TMEM144: variants seen among roughly 807,000 people sequenced by gnomAD.
TMEM144 encodes the protein transmembrane protein 144.
TMEM144 carries 39 observed loss-of-function variants against 43.6 expected under a neutral mutation model. That is an observed-to-expected ratio of 0.90 (90% CI 0.69 to 1.17). The LOEUF is 1.17. Among genes scored for constraint, TMEM144 ranks in the 50% most tolerant of loss-of-function variants. The pLI, the probability that TMEM144 is intolerant of heterozygous loss-of-function variation, is 0.00. For synonymous variants in TMEM144, 154 were observed against 133.6 expected (o/e 1.15, Z -1.06); for missense variants, 417 against 411.9 (o/e 1.01, Z -0.11).
intron 11 of TMEM144, among the ~76,000 whole-genome samples, chr4:158,242,685 G>T (rs542597631): frequency 3.0e-4 from 45 of 152,104 alleles, no homozygotes; most frequent in African/African-American, 1.1e-3. Context: ...AAGAAAGAAA[G>T]AAAGAAAAAA....
chr4:158,239,033 A>C (rs1453799327), intron 9 of TMEM144, among the ~76,000 whole-genome samples: 1 of 152,240 alleles, frequency 6.6e-6, no homozygotes, highest in Non-Finnish European at 1.5e-5. Flanking sequence ...ATAGCAACTA[A>C]TACCCTTTCT....
chr4:158,235,717 C>A, intron 8 of TMEM144: 1 of 427,992 alleles, frequency 2.3e-6, no homozygotes. Context: ...ATTACTAAAT[C>A]ATTGCATTTA....
At chr4:158,225,845 G>A (rs1734736574) in intron 6 of TMEM144, among the ~76,000 whole-genome samples, 1 of 152,250 alleles carries the variant, frequency 6.6e-6, no homozygotes, top group African/African-American at 2.4e-5. Context: ...ATTTAGTGTT[G>A]GGAGATGGAA....
At chr4:158,234,303 G>A (rs1194364936) in intron 7 of TMEM144, 1 of 152,018 alleles carries the variant, frequency 6.6e-6, no homozygotes, top group Non-Finnish European at 1.5e-5. Context: ...GGTCAAGGTG[G>A]GCAGATCACC....
At chr4:158,225,765 T>C (rs1394390033) in intron 6 of TMEM144, among the ~76,000 whole-genome samples, 1 of 152,260 alleles carries the variant, frequency 6.6e-6, no homozygotes, top group Non-Finnish European at 1.5e-5. Context: ...TGAAAATTCT[T>C]AAACTCATCA....
At chr4:158,235,273 A>G (rs1205780606) in intron 7 of TMEM144, 165 bp from the exon 8 acceptor site, 1 of 612,530 alleles carries the variant, frequency 1.6e-6, no homozygotes, top group Non-Finnish European at 2.6e-6. Context: ...AAGAGGAAAC[A>G]ATTAGAAACA....
At position 158,215,069 on chromosome 4, in the gene TMEM144, T is replaced by C. The variant is rs977182973; in HGVS notation, c.110-122T>C. On this transcript the variant is annotated intron_variant, in intron 3 of 12. Transcript: ENST00000296529. ...AGTCATAAGAATGAAATGTGCAAAG[T>C]CCATGGCATATGGCATTTAATAAAT... The C allele has an allele frequency of 3.7e-5, 45 of 1,221,808 alleles. No individual in the cohort carries two copies. The Admixed American group carries it at 8.0e-4, about 22-fold the overall frequency. 75.7% of individuals were successfully genotyped at this position (1,221,808 alleles called of 1,614,324 possible). A position where few individuals can be genotyped will look rare whatever the true frequency, so the allele number is the denominator to read the frequency against.
rs2111107932 is a variant in TMEM144 at position 158,219,387 on chromosome 4, T to A, written c.410T>A (p.Val137Glu). The A allele has an allele frequency of 6.2e-7, 1 of 1,613,474 alleles. No individual in the cohort carries two copies. Among genetic ancestry groups the A allele is most frequent in the East Asian group, 2.2e-5 (1 of 44,872 alleles). Reference protein sequence around the residue: ...LNYIGAGLSVVSAFIFLFIKS... With the variant: ...LNYIGAGLSVESAFIFLFIKS... ...TACATTGGAGCTGGGCTATCAGTAGTAAGGTACACAGTCATTTCTAGTGAT... is the reference window on the plus strand; with the variant it reads ...TACATTGGAGCTGGGCTATCAGTAGAAAGGTACACAGTCATTTCTAGTGAT... Residue 137 changes from valine (V) to glutamate (E), a missense_variant, in exon 6 of 13, where the codon GTA becomes GAA. Coordinates refer to ENST00000296529, the MANE Select transcript of TMEM144 (RefSeq NM_018342.5).
intron 12 of TMEM144, 36 bp from the exon 13 acceptor site, chr4:158,253,408 C>G: frequency 6.6e-7 from 1 of 1,521,428 alleles, no homozygotes; most frequent in Non-Finnish European, 9.1e-7. Flanking sequence ...TTGATTCAGG[C>G]CTTATTCATC....
intron 12 of TMEM144, among the ~76,000 whole-genome samples, chr4:158,247,828 G>A (rs1182969880): frequency 6.6e-6 from 1 of 150,746 alleles, no homozygotes; most frequent in Non-Finnish European, 1.5e-5. Context: ...CTCTAATTAC[G>A]TTCAGTATAA....
intron 6 of TMEM144, among the ~76,000 whole-genome samples, chr4:158,227,178 TAGTA>T (rs1214311180): frequency 6.6e-6 from 1 of 152,068 alleles, no homozygotes; most frequent in Non-Finnish European, 1.5e-5. Context: ...ATTTTTGAGT[TAGTA>T]AGCTGCTTTT....
chr4:158,235,458 C>A lies in TMEM144; in HGVS notation c.516C>A (p.Asp172Glu), dbSNP rs745858783. The A allele has an allele frequency of 3.1e-6, 5 of 1,613,868 alleles. No individual in the cohort carries two copies. The highest frequency in any genetic ancestry group is 2.2e-5 in the South Asian group (2 of 91,058). The change falls in exon 8 of 13, where the codon GAC (aspartate) becomes GAA (glutamate). Residue 172 changes from aspartate to glutamate, a missense_variant. Coordinates refer to ENST00000296529, the MANE Select transcript of TMEM144 (RefSeq NM_018342.5). ...ITEHVINTTQ[D>E]PCSWVDKLST... ...AATAGGTGATCAACACAACCCAAGA[C>A]CCCTGTTCCTGGGTGGATAAACTTT...
intron 12 of TMEM144, among the ~76,000 whole-genome samples, chr4:158,249,744 G>A (rs948853890): frequency 6.6e-6 from 1 of 152,050 alleles, no homozygotes; most frequent in East Asian, 1.9e-4. Context: ...CAAAATATAC[G>A]TGGAAATCAC....
chr4:158,215,168 A>G (rs1579101191), intron 3 of TMEM144, 23 bp from the exon 4 acceptor site: 1 of 1,613,192 alleles, frequency 6.2e-7, no homozygotes, highest in Admixed American at 1.7e-5. Context: ...TGAACCACTA[A>G]CACTGAGTTT....
At chr4:158,253,216 T>G (rs1263594095) in intron 12 of TMEM144, among the ~76,000 whole-genome samples, 1 of 152,354 alleles carries the variant, frequency 6.6e-6, no homozygotes, top group Non-Finnish European at 1.5e-5. Context: ...ATTGTTTGCA[T>G]AAAGGTACAT....
At chr4:158,223,403 G>C (rs568638123) in intron 6 of TMEM144, among the ~76,000 whole-genome samples, 1 of 152,212 alleles carries the variant, frequency 6.6e-6, no homozygotes, top group East Asian at 1.9e-4. Flanking sequence ...AAACAATCAA[G>C]AGCCTTATCT....
chr4:158,233,084 C>A, intron 7 of TMEM144, 102 bp downstream of exon 7: 1 of 822,808 alleles, frequency 1.2e-6, no homozygotes, highest in Non-Finnish European at 1.9e-6. Context: ...GTTTGCTCAT[C>A]ACTCCTGGCT....
rs1736431168 is a variant in TMEM144 at position 158,255,403 on chromosome 4, A to C, written c.*1876A>C. 6.6e-6 allele frequency: 1 copy of C among 150,578 alleles called. No homozygotes were observed. Among genetic ancestry groups the C allele is most frequent in the Non-Finnish European group, 1.5e-5 (1 of 67,676 alleles). The allele number at this position is 150,578 out of a possible 1,614,324, so 9.3% of individuals were successfully genotyped here. The stretch of plus-strand genomic sequence containing the variant: ...AAATGTGAAGTAAAGCAGTTTCAGA[A>C]GAAAAATGAAAAATCAGTCTTATTA... On this transcript the variant is annotated 3_prime_UTR_variant, in exon 13 of 13. Transcript: ENST00000296529.
intron 7 of TMEM144, chr4:158,233,628 A>G (rs1735196692): frequency 6.6e-6 from 1 of 152,356 alleles, no homozygotes; most frequent in Admixed American, 6.5e-5. Flanking sequence ...TCTCATCTCA[A>G]GAAATCTCTC....
Sources: gnomAD v4.1 joint callset for allele counts (sites outside exome capture counted in the v4.1 genomes callset) on GRCh38, gnomAD v4.1.1 for gene constraint, MANE v1.5 for transcripts, NCBI Gene and HGNC (gene_info 2026-07-23, HGNC 2026-07-21) for gene names.